LRRC37A2: variants seen among roughly 807,000 people sequenced by gnomAD.
LRRC37A2 encodes leucine rich repeat containing 37 member A2.
LRRC37A2 carries 9 observed loss-of-function variants against 68.8 expected under a neutral mutation model. The ratio of observed to expected loss-of-function variants is 0.13; its 90% confidence interval spans 0.08 to 0.23. LRRC37A2 has a LOEUF of 0.23. Ranked by LOEUF, LRRC37A2 falls within the 10% of genes least tolerant of loss-of-function variation. The pLI is 1.00. For missense variants in LRRC37A2, 168 were observed against 950.4 expected (o/e 0.18, Z 10.82); for synonymous variants, 63 against 367.6 (o/e 0.17, Z 9.48).
At chr17:46,741,030 G>T in the LRRC37A2 span, among the ~76,000 whole-genome samples, 1 of 151,340 alleles carries the variant, frequency 6.6e-6, no homozygotes, top group Non-Finnish European at 1.5e-5. Flanking sequence ...TGGGGCTTGT[G>T]GGGGCAGGGG....
the LRRC37A2 span, among the ~76,000 whole-genome samples, chr17:46,709,059 G>A: frequency 6.6e-6 from 1 of 151,342 alleles, no homozygotes; most frequent in South Asian, 2.1e-4. Flanking sequence ...TCCTGACCTC[G>A]TGATCCACCC....
the LRRC37A2 span, among the ~76,000 whole-genome samples, chr17:47,030,287 A>G: frequency 6.7e-6 from 1 of 149,984 alleles, no homozygotes; most frequent in Non-Finnish European, 1.5e-5. Context: ...TACAAAATCC[A>G]TCTCAAAGAC....
the LRRC37A2 span, among the ~76,000 whole-genome samples, chr17:46,956,113 G>A: frequency 6.6e-6 from 1 of 152,046 alleles, no homozygotes; most frequent in Non-Finnish European, 1.5e-5. Context: ...GTTAGCAGGA[G>A]GGTCCATCTT....
the LRRC37A2 span, among the ~76,000 whole-genome samples, chr17:46,837,260 CATG>C: frequency 6.6e-6 from 1 of 152,122 alleles, no homozygotes; most frequent in Non-Finnish European, 1.5e-5. Context: ...AAGTATTTCA[CATG>C]ATATTTGTTT....
the LRRC37A2 span, among the ~76,000 whole-genome samples, chr17:47,048,129 A>G: frequency 6.7e-6 from 1 of 148,476 alleles, no homozygotes; most frequent in East Asian, 2.0e-4. Context: ...CTCCTTTTAC[A>G]GATGAAGAAA....
At chr17:46,775,609 C>CTTTT in the LRRC37A2 span, among the ~76,000 whole-genome samples, 18 of 111,584 alleles carry the variant, frequency 1.6e-4, no homozygotes, top group South Asian at 2.9e-4. Context: ...GCCAGAAGTT[C>CTTTT]TTTTTTTTTT....
the LRRC37A2 span, chr17:46,939,197 G>A: frequency 9.3e-7 from 1 of 1,078,118 alleles, no homozygotes; most frequent in Non-Finnish European, 1.1e-6. Context: ...AAGGAAAGAG[G>A]CCTTTTCTCA....
the LRRC37A2 span, chr17:47,017,747 C>T: frequency 8.1e-6 from 13 of 1,610,742 alleles, no homozygotes; most frequent in Non-Finnish European, 7.6e-6. Context: ...ATGAATATTC[C>T]AGTACAGATA....
the LRRC37A2 span, chr17:46,768,908 C>G: frequency 6.7e-7 from 1 of 1,485,470 alleles, no homozygotes; most frequent in East Asian, 2.3e-5. The surrounding 1 kb of genome is among the most constrained non-coding windows in gnomAD (Gnocchi z 5.0). Flanking sequence ...CTTCTCTACT[C>G]CTCTGTGACA....
chr17:46,830,405 C>G, the LRRC37A2 span, among the ~76,000 whole-genome samples: 1 of 152,158 alleles, frequency 6.6e-6, no homozygotes, highest in East Asian at 1.9e-4. Context: ...ACATGCACCA[C>G]CGCACCTGCC....
the LRRC37A2 span, among the ~76,000 whole-genome samples, chr17:46,777,524 G>A: frequency 5.6e-3 from 846 of 152,382 alleles, 7 homozygotes; most frequent in Non-Finnish European, 9.3e-3. Flanking sequence ...CCAGGAAGAA[G>A]GTGCCACTGA....
chr17:46,860,256 G>A, the LRRC37A2 span, among the ~76,000 whole-genome samples: 1 of 152,152 alleles, frequency 6.6e-6, no homozygotes, highest in Non-Finnish European at 1.5e-5. Flanking sequence ...AGGGAAGCGG[G>A]GCCGGCAGAC....
the LRRC37A2 span, among the ~76,000 whole-genome samples, chr17:46,712,459 A>G: frequency 6.6e-6 from 1 of 152,232 alleles, no homozygotes; most frequent in African/African-American, 2.4e-5. Context: ...GGGTTCTGGC[A>G]TACATAGCCC....
the LRRC37A2 span, among the ~76,000 whole-genome samples, chr17:46,840,322 A>G: frequency 2.0e-5 from 3 of 152,006 alleles, no homozygotes; most frequent in South Asian, 2.1e-4. Context: ...TCCTGACCTC[A>G]TGATCCACCC....
the LRRC37A2 span, chr17:46,876,617 C>T: frequency 5.9e-5 from 95 of 1,611,178 alleles, no homozygotes; most frequent in East Asian, 2.2e-4. Context: ...CACCCAGAGC[C>T]GCCTGGTGGC....
intron 8 of LRRC37A2, among the ~76,000 whole-genome samples, chr17:46,543,896 T>G (rs1344062118): frequency 1.1e-4 from 17 of 148,886 alleles, no homozygotes; most frequent in Non-Finnish European, 2.2e-4. Context: ...GAGAGAGGGT[T>G]GCTTGTGCCC....
chr17:46,946,916 A>G, the LRRC37A2 span, among the ~76,000 whole-genome samples: 1 of 152,212 alleles, frequency 6.6e-6, no homozygotes, highest in Non-Finnish European at 1.5e-5. Context: ...TCAAGTGCCA[A>G]GCAAGTGGGG....
chr17:46,849,191 A>T, the LRRC37A2 span, among the ~76,000 whole-genome samples: 2 of 152,164 alleles, frequency 1.3e-5, no homozygotes, highest in African/African-American at 4.8e-5. Flanking sequence ...ATCCATCTAA[A>T]TATTTTCCTC....
At chr17:46,989,732 G>A in the LRRC37A2 span, among the ~76,000 whole-genome samples, 1 of 152,388 alleles carries the variant, frequency 6.6e-6, no homozygotes, top group East Asian at 1.9e-4. Flanking sequence ...CTTGCACAAT[G>A]GGGCTGGTCC....
Sources: allele counts gnomAD v4.1 joint callset (sites outside exome capture counted in the v4.1 genomes callset), GRCh38; gene constraint gnomAD v4.1.1; non-coding constraint Gnocchi (gnomAD v3.1); transcripts MANE v1.5; gene names NCBI Gene and HGNC (gene_info 2026-07-23, HGNC 2026-07-21).